Variants in ITCH observed in about 807,000 individuals in gnomAD.
The protein encoded by ITCH is itchy E3 ubiquitin protein ligase, also known as E3 ubiquitin-protein ligase Itchy homolog.
A neutral mutation model predicts 126.8 loss-of-function variants in ITCH; 28 were observed. The observed-to-expected ratio is 0.22, with a 90% CI of 0.16 to 0.30. ITCH has a LOEUF of 0.30. Ranked by LOEUF, ITCH falls within the 10% of genes least tolerant of loss-of-function variation. The pLI is 1.00. For synonymous variants in ITCH, 342 were observed against 340.0 expected (o/e 1.01, Z -0.06); for missense variants, 631 against 1,032.4 (o/e 0.61, Z 5.33).
intron 2 of ITCH, among the ~76,000 whole-genome samples, chr20:34,386,143 C>G (rs983154764): frequency 2.7e-5 from 4 of 150,400 alleles, no homozygotes; most frequent in Non-Finnish European, 5.9e-5. Context: ...GTCTTGATCT[C>G]TCGTCCAGGC....
At chr20:34,439,062 A>C (rs764828159) in intron 8 of ITCH, among the ~76,000 whole-genome samples, 9 of 152,210 alleles carry the variant, frequency 5.9e-5, no homozygotes, top group African/African-American at 9.6e-5. Flanking sequence ...ACAACAAACA[A>C]GCATATTTTA....
intron 5 of ITCH, among the ~76,000 whole-genome samples, chr20:34,413,473 T>A (rs112221548): frequency 2.6e-5 from 4 of 152,126 alleles, no homozygotes; most frequent in African/African-American, 9.7e-5. Flanking sequence ...TACTATAGTC[T>A]TACAAGGATG....
intron 17 of ITCH, among the ~76,000 whole-genome samples, chr20:34,478,313 C>G (rs554090974): frequency 3.3e-5 from 5 of 152,282 alleles, no homozygotes; most frequent in Admixed American, 3.3e-4. Flanking sequence ...AATAGTTACT[C>G]AGTTTCCAAC....
chr20:34,372,819 C>G lies in ITCH; in HGVS notation c.-22+3349C>G, dbSNP rs186679693. On this transcript the variant is annotated intron_variant, in intron 2 of 24. Coordinates refer to ENST00000374864, the MANE Select transcript of ITCH (RefSeq NM_031483.7). Reference sequence around the variant, plus strand: ...CCAAGGGGTACTCAAATATAAAACTCCTGGTTTAAGGATTTTGTCAGGAAA... The same window carrying G: ...CCAAGGGGTACTCAAATATAAAACTGCTGGTTTAAGGATTTTGTCAGGAAA... Among the ~76,000 whole-genome samples, 13 of 152,192 alleles carry G rather than the reference C, an allele frequency of 8.5e-5. No individual in the cohort carries two copies. In the East Asian group the frequency reaches 1.5e-3, roughly 18 times the overall value.
At chr20:34,418,549 A>AT (rs1254897051) in intron 6 of ITCH, among the ~76,000 whole-genome samples, 5 of 152,014 alleles carry the variant, frequency 3.3e-5, no homozygotes, top group Non-Finnish European at 7.4e-5. Context: ...AGTAGCCTAA[A>AT]TTTTTTGCTT....
intron 21 of ITCH, 71 bp from the exon 22 acceptor site, chr20:34,489,751 T>A: frequency 1.0e-6 from 1 of 981,612 alleles, no homozygotes; most frequent in Non-Finnish European, 1.7e-6. Flanking sequence ...TGCTTAATCT[T>A]AGTCTTTCCT....
At chr20:34,473,123 C>A (rs1987805273) in intron 16 of ITCH, among the ~76,000 whole-genome samples, 1 of 152,116 alleles carries the variant, frequency 6.6e-6, no homozygotes, top group Non-Finnish European at 1.5e-5. Flanking sequence ...TATAAGAGAA[C>A]AATTTGATTG....
chr20:34,431,373 A>G (rs1982267353), intron 7 of ITCH, among the ~76,000 whole-genome samples: 3 of 152,126 alleles, frequency 2.0e-5, no homozygotes, highest in Admixed American at 1.3e-4. Context: ...TGATTGCGCC[A>G]TTGCACTCCA....
intron 23 of ITCH, among the ~76,000 whole-genome samples, chr20:34,498,138 T>C (rs1171254921): frequency 6.6e-6 from 1 of 152,226 alleles, no homozygotes; most frequent in African/African-American, 2.4e-5. Flanking sequence ...TTCTTCTAGT[T>C]TGTTGTTTTA....
At chr20:34,494,088 G>C (rs1232807528) in intron 23 of ITCH, among the ~76,000 whole-genome samples, 1 of 152,190 alleles carries the variant, frequency 6.6e-6, no homozygotes, top group African/African-American at 2.4e-5. Context: ...AATTAGCCGG[G>C]CGTGTTGACG....
At chr20:34,489,990 A>T (rs778967876) in intron 22 of ITCH, 64 bp downstream of exon 22, 3 of 1,191,992 alleles carry the variant, frequency 2.5e-6, no homozygotes, top group Non-Finnish European at 3.7e-6. Flanking sequence ...TGCTTACCAC[A>T]TATGGAAATG....
chr20:34,430,698 T>C (rs1390619372), intron 7 of ITCH, among the ~76,000 whole-genome samples: 1 of 152,200 alleles, frequency 6.6e-6, no homozygotes, highest in Non-Finnish European at 1.5e-5. Context: ...TGTGTCGAAC[T>C]CCTGACCTCA....
chr20:34,503,873 T>G (rs1569012760), intron 23 of ITCH, among the ~76,000 whole-genome samples: 7 of 106,124 alleles, frequency 6.6e-5, no homozygotes, highest in South Asian at 6.0e-4. Flanking sequence ...TTTTTTGGTT[T>G]TTTTTTTTTT....
chr20:34,388,719 A>G (rs921646034), intron 2 of ITCH, among the ~76,000 whole-genome samples: 1 of 152,204 alleles, frequency 6.6e-6, no homozygotes. Flanking sequence ...AGTATGTATT[A>G]CAATCCAAAA....
intron 14 of ITCH, chr20:34,466,325 T>A (rs771834651): frequency 2.0e-6 from 1 of 493,208 alleles, no homozygotes; most frequent in East Asian, 5.8e-5. Context: ...TTTTTGCTGA[T>A]TTTTTTTTAG....
At chr20:34,366,431 G>C (rs1028464195) in intron 1 of ITCH, among the ~76,000 whole-genome samples, 3 of 152,012 alleles carry the variant, frequency 2.0e-5, no homozygotes, top group Admixed American at 6.6e-5. Flanking sequence ...TCTTTACGTT[G>C]CCCAGTCTGG....
intron 2 of ITCH, among the ~76,000 whole-genome samples, chr20:34,381,673 TC>T (rs1414522702): frequency 6.6e-6 from 1 of 151,912 alleles, no homozygotes; most frequent in African/African-American, 2.4e-5. Flanking sequence ...TGATCCGCCC[TC>T]CTTGGCCTCC....
chr20:34,365,190 G>A (rs961775132), intron 1 of ITCH, among the ~76,000 whole-genome samples: 2 of 151,888 alleles, frequency 1.3e-5, no homozygotes, highest in Non-Finnish European at 2.9e-5. Context: ...GACAGAGTGA[G>A]ACCCTGTCTC....
intron 3 of ITCH, among the ~76,000 whole-genome samples, chr20:34,405,243 G>A (rs1211336952): frequency 3.3e-5 from 5 of 151,016 alleles, no homozygotes; most frequent in Admixed American, 2.0e-4. Context: ...AGTGGCTCAC[G>A]CCTGTAATTC....
Sources: gnomAD v4.1 joint callset for allele counts (sites outside exome capture counted in the v4.1 genomes callset) on GRCh38, gnomAD v4.1.1 for gene constraint, MANE v1.5 for transcripts, NCBI Gene and HGNC (gene_info 2026-07-23, HGNC 2026-07-21) for gene names.